Variants in KREMEN1 observed in about 807,000 individuals in gnomAD.
KREMEN1 encodes the protein kremen protein 1.
A neutral mutation model predicts 46.5 loss-of-function variants in KREMEN1; 30 were observed. The ratio of observed to expected loss-of-function variants is 0.65; its 90% CI spans 0.48 to 0.88. KREMEN1 has a LOEUF of 0.88. KREMEN1 is among the 40% of genes least tolerant of loss of function. The pLI is 0.00. For missense variants in KREMEN1, 533 were observed against 596.9 expected, an observed-to-expected ratio of 0.89 and a Z score of 1.11; for synonymous variants, 214 against 230.6, an observed-to-expected ratio of 0.93 and a Z score of 0.65.
Position 29,138,783 on chromosome 22 carries a change from G to C in KREMEN1, c.1123+1G>C, listed in dbSNP as rs531604448. On this transcript the variant is annotated splice_donor_variant, in intron 7 of 8. Coordinates refer to ENST00000400335, the MANE Select transcript of KREMEN1 (RefSeq NM_001039570.3). LOFTEE classifies it high-confidence loss of function. The stretch of plus-strand genomic sequence containing the variant: ...AGCCACCCACCTCAGACTGTCCCAG[G>C]TAGCAATTCCTGGGCGCCACCCATG... 6.2e-7 allele frequency: 1 copy of C among 1,614,104 alleles called. No homozygotes were observed. Among genetic ancestry groups the C allele is most frequent in the Non-Finnish European group, 8.5e-7 (1 of 1,180,048 alleles).
In KREMEN1 at chr22:29,131,560, ATGTGTGTGTG is replaced by A. The variant is rs1176208187; in HGVS notation, c.632-5756_632-5747del. On this transcript the variant is annotated intron_variant, in intron 5 of 8. Transcript: ENST00000400335. The stretch of plus-strand genomic sequence containing the variant: ...TATATATATATATATATATATATAT[ATGTGTGTGTG>A]TGTGTGTGTGTGTGTGTGTGTGTGT... Among the ~76,000 whole-genome samples the A allele has an allele frequency of 2.7e-3, 188 of 69,886 alleles. 3 individuals are homozygous for A. The highest frequency in any genetic ancestry group is 0.015 in the African/African-American group (182 of 11,926). 45.8% of individuals were successfully genotyped at this position (69,886 alleles called of 152,430 possible).
At chr22:29,131,644 G>GTA (rs200141547) in intron 5 of KREMEN1, among the ~76,000 whole-genome samples, 1 of 117,602 alleles carries the variant, frequency 8.5e-6, no homozygotes, top group Non-Finnish European at 1.7e-5. Flanking sequence ...ATATATGTGT[G>GTA]TATATATATG....
chr22:29,080,983 C>G (rs1278828409), intron 1 of KREMEN1, among the ~76,000 whole-genome samples: 1 of 126,592 alleles, frequency 7.9e-6, no homozygotes, highest in Non-Finnish European at 1.7e-5. Context: ...TTTCCTGTTA[C>G]CAGCAATGAA....
At chr22:29,104,157 A>AT (rs35950264) in intron 3 of KREMEN1, among the ~76,000 whole-genome samples, 2,072 of 140,390 alleles carry the variant, frequency 0.015, 31 homozygotes, top group East Asian at 0.038. Context: ...CTAAATTGTA[A>AT]TTTTTTTTTT....
intron 9 of KREMEN1, among the ~76,000 whole-genome samples, chr22:29,165,812 C>T (rs987655670): frequency 3.3e-5 from 5 of 152,194 alleles, no homozygotes; most frequent in Non-Finnish European, 5.9e-5. Flanking sequence ...GTGTTTCTCT[C>T]CTCCTGCCGG....
intron 1 of KREMEN1, among the ~76,000 whole-genome samples, chr22:29,086,574 C>T (rs549540038): frequency 7.9e-5 from 12 of 152,298 alleles, no homozygotes; most frequent in Admixed American, 7.2e-4. Context: ...CCCTTTACTA[C>T]AGGGTTTCAC....
At chr22:29,117,990 T>C (rs1439725358) in intron 3 of KREMEN1, among the ~76,000 whole-genome samples, 1 of 152,196 alleles carries the variant, frequency 6.6e-6, no homozygotes, top group Non-Finnish European at 1.5e-5. Flanking sequence ...AATATCCTGC[T>C]TCAAGGCGTC....
At chr22:29,107,861 G>T (rs560790130) in intron 3 of KREMEN1, among the ~76,000 whole-genome samples, 2 of 152,298 alleles carry the variant, frequency 1.3e-5, no homozygotes, top group Non-Finnish European at 2.9e-5. Context: ...TTTATTTGTG[G>T]AAGAGTGCTG....
At chr22:29,164,209 C>T (rs1447655196) in intron 9 of KREMEN1, among the ~76,000 whole-genome samples, 1 of 152,228 alleles carries the variant, frequency 6.6e-6, no homozygotes, top group East Asian at 1.9e-4. Context: ...CGGCTGTTGA[C>T]TATGGTGTGG....
chr22:29,140,600 A>C (rs1371584273), intron 8 of KREMEN1, among the ~76,000 whole-genome samples: 1 of 152,240 alleles, frequency 6.6e-6, no homozygotes, highest in African/African-American at 2.4e-5. Flanking sequence ...CAAGGCATAC[A>C]ATTTCAAGGA....
intron 2 of KREMEN1, among the ~76,000 whole-genome samples, chr22:29,094,799 GT>G (rs973184782): frequency 6.6e-6 from 1 of 151,822 alleles, no homozygotes; most frequent in African/African-American, 2.4e-5. Context: ...AATTTTTCGT[GT>G]TTTTAGTAGA....
intron 9 of KREMEN1, among the ~76,000 whole-genome samples, chr22:29,160,595 A>T (rs895015708): frequency 2.0e-5 from 3 of 152,034 alleles, no homozygotes; most frequent in Admixed American, 6.5e-5. Flanking sequence ...ATACAATTAC[A>T]TGAAAATTAA....
intron 9 of KREMEN1, among the ~76,000 whole-genome samples, chr22:29,162,844 C>G (rs1352755844): frequency 6.6e-6 from 1 of 152,120 alleles, no homozygotes; most frequent in Non-Finnish European, 1.5e-5. Flanking sequence ...ATAGCAAAGA[C>G]AAGGAATCAA....
rs961561932 is a variant in KREMEN1 at position 29,146,770 on chromosome 22, T to C, written c.*4658T>C. The C allele has an allele frequency of 1.0e-6, 1 of 959,136 alleles. No homozygotes were observed. The highest frequency in any genetic ancestry group is 1.8e-5 in the African/African-American group (1 of 56,736). The allele number at this position is 959,136 out of a possible 1,614,324, so 59.4% of individuals were successfully genotyped here. A position where few individuals can be genotyped will look rare whatever the true frequency, so the allele number is the denominator to read the frequency against. On this transcript the variant is annotated 3_prime_UTR_variant, in exon 9 of 9. Transcript: ENST00000400335. Reference sequence around the variant, plus strand: ...TGGTACTTTTACAAACGAGAAAAAATGTTATTTTTACTTTCTGGAAAAAAT... The same window carrying C: ...TGGTACTTTTACAAACGAGAAAAAACGTTATTTTTACTTTCTGGAAAAAAT...
At position 29,125,312 on chromosome 22, in the gene KREMEN1, A is replaced by C; in HGVS notation, c.527A>C (p.Asp176Ala). 1 of 1,614,132 alleles carries C rather than the reference A, an allele frequency of 6.2e-7. No individual in the cohort carries two copies. Among genetic ancestry groups the C allele is most frequent in the Non-Finnish European group, 8.5e-7 (1 of 1,180,004 alleles). ...GYACFCGNNP[D>A]YWKYGEAAST... ...GCTTGCTTCTGTGGAAACAATCCTG[A>C]TTACTGGAAGTACGGGGAGGCAGCC... is the stretch of plus-strand genomic sequence containing the variant. The change falls in exon 5 of 9, where the codon GAT (aspartate) becomes GCT (alanine). Residue 176 changes from aspartate to alanine, a missense_variant. Asp to Ala is a moderately radical substitution (Grantham distance 126). Transcript: ENST00000400335.
chr22:29,103,456 A>C (rs1450509846), intron 3 of KREMEN1, among the ~76,000 whole-genome samples: 7 of 152,224 alleles, frequency 4.6e-5, no homozygotes, highest in Non-Finnish European at 8.8e-5. Context: ...CTTGACCTGC[A>C]GAGCATGGAT....
chr22:29,149,032 C>A (rs2038895475), downstream of KREMEN1, among the ~76,000 whole-genome samples: 1 of 152,196 alleles, frequency 6.6e-6, no homozygotes, highest in South Asian at 2.1e-4. Flanking sequence ...AGACCTACCA[C>A]ATCAGAATCC....
Position 29,143,899 on chromosome 22 carries a change from G to C in KREMEN1, c.*1787G>C. The C allele has an allele frequency of 1.0e-6, 1 of 985,514 alleles. No individual in the cohort carries two copies. Among genetic ancestry groups the C allele is most frequent in the Non-Finnish European group, 1.2e-6 (1 of 829,986 alleles). 61.0% of individuals were successfully genotyped at this position (985,514 alleles called of 1,614,324 possible). A position where few individuals can be genotyped will look rare whatever the true frequency, so the allele number is the denominator to read the frequency against. On this transcript the variant is annotated 3_prime_UTR_variant, in exon 9 of 9. Transcript: ENST00000400335. ...ATAGGGAGGTGGGCTGCAGAGATTGGTGCCAGAAGAGGGTGGGTTTGGGAA... is the reference window on the plus strand; with the variant it reads ...ATAGGGAGGTGGGCTGCAGAGATTGCTGCCAGAAGAGGGTGGGTTTGGGAA...
intron 3 of KREMEN1, among the ~76,000 whole-genome samples, chr22:29,109,944 G>GA (rs954288207): frequency 1.3e-4 from 20 of 151,166 alleles, no homozygotes; most frequent in South Asian, 1.0e-3. Flanking sequence ...TGGTGTCCCT[G>GA]AAAAAAAAAG....
Sources: allele counts gnomAD v4.1 joint callset (sites outside exome capture counted in the v4.1 genomes callset), GRCh38; gene constraint gnomAD v4.1.1; transcripts MANE v1.5; gene names NCBI Gene and HGNC (gene_info 2026-07-23, HGNC 2026-07-21).